DCC: variants seen among roughly 807,000 people sequenced by gnomAD.
The protein encoded by DCC is DCC netrin 1 receptor, also known as netrin receptor DCC.
Under a neutral mutation model 172.5 loss-of-function variants are expected in DCC, and 58 were observed. The ratio of observed to expected loss-of-function variants is 0.34; its 90% CI spans 0.27 to 0.42. The LOEUF (loss-of-function observed/expected upper bound fraction) is 0.42, where lower values mean the gene tolerates loss of function less well. Among genes scored for constraint, DCC ranks in the 10% least tolerant of loss-of-function variants. The pLI is 1.00. For synonymous variants in DCC, 709 were observed against 644.5 expected, an observed-to-expected ratio of 1.10 and a Z score of -1.52; for missense variants, 1,740 against 1,791.0, an observed-to-expected ratio of 0.97 and a Z score of 0.51.
intron 27 of DCC, among the ~76,000 whole-genome samples, chr18:53,521,434 C>A (rs1598844490): frequency 6.6e-6 from 1 of 152,054 alleles, no homozygotes; most frequent in Admixed American, 6.6e-5. Flanking sequence ...GAAAATACAC[C>A]ATAAGAATGT....
intron 5 of DCC, among the ~76,000 whole-genome samples, chr18:52,969,914 G>A (rs2041002309): frequency 6.6e-6 from 1 of 152,108 alleles, no homozygotes; most frequent in African/African-American, 2.4e-5. Context: ...GAGAATGATA[G>A]AGATCATTTT....
At chr18:52,931,678 C>T (rs2040309088) in intron 5 of DCC, 1 of 152,104 alleles carries the variant, frequency 6.6e-6, no homozygotes, top group East Asian at 1.9e-4. Context: ...TTGGAGATAT[C>T]TTTATTAGAC....
intron 7 of DCC, among the ~76,000 whole-genome samples, chr18:53,083,087 A>G (rs1014719856): frequency 7.2e-5 from 11 of 152,138 alleles, no homozygotes; most frequent in African/African-American, 1.7e-4. Context: ...AGAACAAACA[A>G]AAAAACAACA....
chr18:53,088,146 A>G (rs1349593250), intron 7 of DCC, among the ~76,000 whole-genome samples: 1 of 152,158 alleles, frequency 6.6e-6, no homozygotes, highest in Non-Finnish European at 1.5e-5. Context: ...GAAGAAAGTC[A>G]TTGGTAGCTT....
At chr18:52,893,243 A>G (rs970074021) in intron 2 of DCC, among the ~76,000 whole-genome samples, 6 of 152,080 alleles carry the variant, frequency 3.9e-5, no homozygotes, top group African/African-American at 1.4e-4. Context: ...AATCACTTAT[A>G]TTGAGAAGAG....
At chr18:52,442,719 T>G (rs965506131) in intron 1 of DCC, among the ~76,000 whole-genome samples, 9 of 152,216 alleles carry the variant, frequency 5.9e-5, no homozygotes, top group African/African-American at 1.9e-4. Flanking sequence ...ATTTGTAGAT[T>G]TTAATAAGGC....
At chr18:52,883,314 T>A (rs899838322) in intron 2 of DCC, among the ~76,000 whole-genome samples, 1 of 141,280 alleles carries the variant, frequency 7.1e-6, no homozygotes, top group Non-Finnish European at 1.6e-5. Context: ...TCTGTTTTAT[T>A]TTTATTTTAT....
At chr18:52,832,794 A>G (rs538917651) in intron 2 of DCC, among the ~76,000 whole-genome samples, 8 of 152,284 alleles carry the variant, frequency 5.3e-5, no homozygotes, top group African/African-American at 9.6e-5. Flanking sequence ...CAAGTGGCAC[A>G]TGTTCATATG....
intron 2 of DCC, chr18:52,754,039 C>G (rs1184492430): frequency 6.6e-6 from 1 of 152,126 alleles, no homozygotes; most frequent in African/African-American, 2.4e-5. Flanking sequence ...AATATTGAAT[C>G]ATAGGCTGTT....
intron 24 of DCC, among the ~76,000 whole-genome samples, chr18:53,466,680 C>A (rs898997777): frequency 6.6e-6 from 1 of 152,156 alleles, no homozygotes; most frequent in Non-Finnish European, 1.5e-5. Flanking sequence ...CAGCCACCAC[C>A]ACACCCAGCT....
At chr18:52,697,030 T>C (rs956517511) in intron 1 of DCC, among the ~76,000 whole-genome samples, 1 of 152,348 alleles carries the variant, frequency 6.6e-6, no homozygotes, top group Middle Eastern at 3.4e-3. Context: ...AGGCACTTTG[T>C]ACTTTTACAA....
At chr18:52,779,459 C>T (rs2037492739) in intron 2 of DCC, among the ~76,000 whole-genome samples, 2 of 74,858 alleles carry the variant, frequency 2.7e-5, no homozygotes, top group South Asian at 1.2e-3. Flanking sequence ...CCAACTTCAT[C>T]CACGTCCCTG....
chr18:52,945,634 C>G (rs1943134), intron 5 of DCC, among the ~76,000 whole-genome samples: 1 of 152,180 alleles, frequency 6.6e-6, no homozygotes, highest in African/African-American at 2.4e-5. Context: ...TGAGTTGATG[C>G]TGGCACTGCC....
chr18:53,011,849 A>G (rs1310191561), intron 5 of DCC, among the ~76,000 whole-genome samples: 1 of 151,714 alleles, frequency 6.6e-6, no homozygotes. Context: ...ACATATTCAT[A>G]TTATAATGAT....
chr18:52,953,163 C>G (rs986076970), intron 5 of DCC, among the ~76,000 whole-genome samples: 4 of 152,074 alleles, frequency 2.6e-5, no homozygotes, highest in African/African-American at 9.7e-5. Context: ...AGAAGATATG[C>G]TTATCAAATA....
At chr18:53,471,269 A>T (rs1422010304) in intron 25 of DCC, among the ~76,000 whole-genome samples, 1 of 152,218 alleles carries the variant, frequency 6.6e-6, no homozygotes, top group Non-Finnish European at 1.5e-5. Flanking sequence ...AGAATATGGT[A>T]TCCATCCACG....
chr18:53,528,606 G>A (rs1322163612), intron 28 of DCC, among the ~76,000 whole-genome samples: 1 of 152,046 alleles, frequency 6.6e-6, no homozygotes, highest in Non-Finnish European at 1.5e-5. Flanking sequence ...AGGAAATAAA[G>A]AGGACAAATA....
chr18:53,483,054 T>G (rs2045854580), intron 25 of DCC, among the ~76,000 whole-genome samples: 1 of 151,912 alleles, frequency 6.6e-6, no homozygotes, highest in Non-Finnish European at 1.5e-5. Context: ...TAAACTCACT[T>G]GAAAAATATG....
At chr18:52,914,953 T>C (rs2040019582) in intron 3 of DCC, among the ~76,000 whole-genome samples, 1 of 152,090 alleles carries the variant, frequency 6.6e-6, no homozygotes. Flanking sequence ...TGATATTCCA[T>C]GGAGGCAGGA....
Sources: gnomAD v4.1 joint callset for allele counts (sites outside exome capture counted in the v4.1 genomes callset) on GRCh38, gnomAD v4.1.1 for gene constraint, MANE v1.5 for transcripts, NCBI Gene and HGNC (gene_info 2026-07-23, HGNC 2026-07-21) for gene names.